LSAMP: variants seen among roughly 807,000 people sequenced by gnomAD.
The protein encoded by LSAMP is limbic system-associated membrane protein.
Under a neutral mutation model 38.6 loss-of-function variants are expected in LSAMP, and 7 were observed. The ratio of observed to expected loss-of-function variants is 0.18; its 90% confidence interval spans 0.10 to 0.34. The LOEUF (loss-of-function observed/expected upper bound fraction) is 0.34. Ranked by LOEUF, LSAMP falls within the 10% of genes least tolerant of loss-of-function variation. The probability of loss-of-function intolerance (pLI) is 1.00; values close to 1 mark genes in which losing one functional copy is unlikely to be tolerated. For missense variants in LSAMP, 313 were observed against 420.0 expected, an observed-to-expected ratio of 0.75 and a Z score of 2.23; for synonymous variants, 154 against 166.8, an observed-to-expected ratio of 0.92 and a Z score of 0.59.
intron 1 of LSAMP, among the ~76,000 whole-genome samples, chr3:116,273,345 C>A (rs1031900785): frequency 5.3e-5 from 8 of 152,024 alleles, no homozygotes; most frequent in South Asian, 2.1e-4. Flanking sequence ...AAGTGGGAAA[C>A]CTGCCTCCAT....
intron 1 of LSAMP, among the ~76,000 whole-genome samples, chr3:116,246,119 A>T (rs921208525): frequency 5.3e-5 from 8 of 152,232 alleles, no homozygotes; most frequent in Admixed American, 1.3e-4. Context: ...ATTAATGAGT[A>T]GTAGAACCTT....
chr3:115,860,095 C>G (rs575839849), intron 3 of LSAMP, among the ~76,000 whole-genome samples: 1 of 152,218 alleles, frequency 6.6e-6, no homozygotes, highest in African/African-American at 2.4e-5. Context: ...AGCACAATGT[C>G]GGAACCTATT....
chr3:115,891,496 A>T (rs117052489), intron 3 of LSAMP, among the ~76,000 whole-genome samples: 1 of 152,142 alleles, frequency 6.6e-6, no homozygotes, highest in East Asian at 1.9e-4. Context: ...GAGTGATCTC[A>T]GGTGAGATCA....
At chr3:115,988,786 T>C (rs1483994385) in intron 3 of LSAMP, among the ~76,000 whole-genome samples, 1 of 152,190 alleles carries the variant, frequency 6.6e-6, no homozygotes, top group Non-Finnish European at 1.5e-5. Context: ...TTCTAAGCGT[T>C]GTTCTTTCAG....
chr3:116,093,771 G>C (rs1431113173), intron 1 of LSAMP, among the ~76,000 whole-genome samples: 1 of 152,098 alleles, frequency 6.6e-6, no homozygotes, highest in Non-Finnish European at 1.5e-5. Flanking sequence ...TCTTTTGTAA[G>C]ATATGGAAAG....
At chr3:116,298,835 T>G (rs1203189753) in intron 1 of LSAMP, among the ~76,000 whole-genome samples, 1 of 152,224 alleles carries the variant, frequency 6.6e-6, no homozygotes, top group Non-Finnish European at 1.5e-5. Flanking sequence ...TTTCTGCTTC[T>G]GTGCCAGGTC....
At chr3:115,825,230 C>T (rs1382193441) in intron 6 of LSAMP, among the ~76,000 whole-genome samples, 4 of 152,164 alleles carry the variant, frequency 2.6e-5, no homozygotes, top group African/African-American at 9.7e-5. Context: ...CTCTGAGTCA[C>T]CCTTGGACCT....
At chr3:116,417,183 G>T (rs2049062390) in intron 1 of LSAMP, among the ~76,000 whole-genome samples, 1 of 152,156 alleles carries the variant, frequency 6.6e-6, no homozygotes, top group Non-Finnish European at 1.5e-5. Flanking sequence ...TCAGAGAAAA[G>T]ACATCTTTAT....
intron 3 of LSAMP, among the ~76,000 whole-genome samples, chr3:115,928,692 G>A (rs888234729): frequency 3.9e-5 from 6 of 152,102 alleles, no homozygotes; most frequent in Admixed American, 1.3e-4. Context: ...GGGTGAGGAG[G>A]GGCTGTAAAG....
chr3:116,281,992 G>C (rs1160314696), intron 1 of LSAMP, among the ~76,000 whole-genome samples: 1 of 152,196 alleles, frequency 6.6e-6, no homozygotes, highest in East Asian at 1.9e-4. Context: ...GGAAAGGGAT[G>C]CTATTTAAGT....
At chr3:115,938,517 A>G (rs1322295150) in intron 3 of LSAMP, among the ~76,000 whole-genome samples, 1 of 152,164 alleles carries the variant, frequency 6.6e-6, no homozygotes, top group Non-Finnish European at 1.5e-5. Context: ...ATTGTAAACT[A>G]TGTTTACGAC....
intron 1 of LSAMP, among the ~76,000 whole-genome samples, chr3:116,331,772 T>A (rs570531195): frequency 6.6e-6 from 1 of 152,264 alleles, no homozygotes; most frequent in South Asian, 2.1e-4. Flanking sequence ...TATAAGATAA[T>A]ATTATTATAA....
intron 1 of LSAMP, among the ~76,000 whole-genome samples, chr3:116,417,688 A>T (rs935032209): frequency 6.6e-6 from 1 of 152,190 alleles, no homozygotes; most frequent in Non-Finnish European, 1.5e-5. Context: ...GCCATTTTTT[A>T]AAAAACCAGC....
At chr3:116,349,403 CA>C (rs2048107455) in intron 1 of LSAMP, among the ~76,000 whole-genome samples, 1 of 150,780 alleles carries the variant, frequency 6.6e-6, no homozygotes, top group Non-Finnish European at 1.5e-5. Context: ...ATATGAGAAG[CA>C]AACTGTACAG....
chr3:116,184,725 C>A (rs545051421), intron 1 of LSAMP, among the ~76,000 whole-genome samples: 1 of 151,750 alleles, frequency 6.6e-6, no homozygotes, highest in African/African-American at 2.4e-5. Context: ...ATTTTTAGTG[C>A]CTTTTATGGG....
chr3:115,940,107 C>T (rs574955328), intron 3 of LSAMP, among the ~76,000 whole-genome samples: 3 of 152,178 alleles, frequency 2.0e-5, no homozygotes, highest in South Asian at 2.1e-4. Context: ...CCGGTGGTTT[C>T]GTGGTCTTGC....
chr3:115,937,170 G>A (rs776133345), intron 3 of LSAMP, among the ~76,000 whole-genome samples: 5 of 151,996 alleles, frequency 3.3e-5, no homozygotes, highest in Non-Finnish European at 5.9e-5. Flanking sequence ...TACTTTTTAT[G>A]TTTTATATAA....
chr3:116,316,731 A>G (rs929335158), intron 1 of LSAMP, among the ~76,000 whole-genome samples: 2 of 142,722 alleles, frequency 1.4e-5, no homozygotes, highest in Admixed American at 7.5e-5. Flanking sequence ...AGACCATGCC[A>G]TTGCACTCCA....
chr3:115,811,558 G>T (rs963593436), intron 6 of LSAMP, among the ~76,000 whole-genome samples: 1 of 128,984 alleles, frequency 7.8e-6, no homozygotes, highest in Non-Finnish European at 1.6e-5. Flanking sequence ...GATGGATTAT[G>T]TGTGAGTGTG....
Sources: allele counts gnomAD v4.1 joint callset (sites outside exome capture counted in the v4.1 genomes callset), GRCh38; gene constraint gnomAD v4.1.1; transcripts MANE v1.5; gene names NCBI Gene and HGNC (gene_info 2026-07-23, HGNC 2026-07-21).